Variants in DLK1 observed in about 807,000 individuals in gnomAD.
The protein encoded by DLK1 is protein delta homolog 1.
In DLK1, 9 loss-of-function variants were observed where a neutral mutation model predicts 35.2. The ratio of observed to expected loss-of-function variants is 0.26; its 90% CI spans 0.15 to 0.45. The LOEUF (loss-of-function observed/expected upper bound fraction) is 0.45, where lower values mean the gene tolerates loss of function less well. Among genes scored for constraint, DLK1 ranks in the 20% least tolerant of loss-of-function variants. DLK1 has a pLI of 1.00. For synonymous variants in DLK1, 231 were observed against 228.4 expected (o/e 1.01, Z -0.10); for missense variants, 522 against 528.5 (o/e 0.99, Z 0.12).
intron 3 of DLK1, among the ~76,000 whole-genome samples, chr14:100,731,377 C>T (rs980656873): frequency 3.9e-5 from 6 of 152,154 alleles, no homozygotes; most frequent in South Asian, 2.1e-4. Context: ...GATAGGAGAG[C>T]GCTCAATAGT....
intron 4 of DLK1, among the ~76,000 whole-genome samples, chr14:100,733,556 G>A (rs943913605): frequency 6.6e-6 from 1 of 151,958 alleles, no homozygotes; most frequent in Non-Finnish European, 1.5e-5. Context: ...ACAATAGCCT[G>A]TGGATCCACA....
Position 100,736,985 on chromosome 14 carries a change from C to G in DLK1, c.*2089C>G, listed in dbSNP as rs1366336216. 8.5e-6 allele frequency: 1 copy of G among 118,332 alleles called. No individual in the cohort carries two copies. Among genetic ancestry groups the G allele is most frequent in the African/African-American group, 3.4e-5 (1 of 29,002 alleles). 7.3% of individuals were successfully genotyped at this position (118,332 alleles called of 1,614,324 possible). A position where few individuals can be genotyped will look rare whatever the true frequency, so the allele number is the denominator to read the frequency against. ...TTCCCCTCCGATCCCACCACCCTTC[C>G]CTTCCGATCCCCGTCATCCTTCCCC... On this transcript the variant is annotated 3_prime_UTR_variant, in exon 5 of 5. Coordinates refer to ENST00000341267, the MANE Select transcript of DLK1 (RefSeq NM_003836.7).
In DLK1 at chr14:100,737,979, G is replaced by C. The variant is rs1279430758; in HGVS notation, c.*3083G>C. The C allele has an allele frequency of 6.6e-6, 1 of 152,088 alleles. No homozygotes were observed. The highest frequency in any genetic ancestry group is 1.9e-4 in the East Asian group (1 of 5,182). The allele number at this position is 152,088 out of a possible 1,614,324, so 9.4% of individuals were successfully genotyped here. Reference sequence around the variant, plus strand: ...GAGTGTCGGGATCCTTGACTGCCCAGCCACACCTTGTGTGTGTCTGGTGTA... The same window carrying C: ...GAGTGTCGGGATCCTTGACTGCCCACCCACACCTTGTGTGTGTCTGGTGTA... On this transcript the variant is annotated 3_prime_UTR_variant, in exon 5 of 5. Coordinates refer to ENST00000341267, the MANE Select transcript of DLK1 (RefSeq NM_003836.7).
rs118122626 is a variant in DLK1 at position 100,735,293 on chromosome 14, C to T, written c.*397C>T. On this transcript the variant is annotated 3_prime_UTR_variant, in exon 5 of 5. Coordinates refer to ENST00000341267, the MANE Select transcript of DLK1 (RefSeq NM_003836.7). ...CCGTTACGAGTGCTGTACATGACCA[C>T]CCACTGTGCAAAGAGCTACGATTGC... 9,268 of 170,824 alleles carry T rather than the reference C, an allele frequency of 0.054. 351 individuals carry two copies. Among genetic ancestry groups the T allele is most frequent in the South Asian group, 0.12 (636 of 5,244 alleles). 10.6% of individuals were successfully genotyped at this position (170,824 alleles called of 1,614,324 possible). A position where few individuals can be genotyped will look rare whatever the true frequency, so the allele number is the denominator to read the frequency against.
intron 3 of DLK1, among the ~76,000 whole-genome samples, chr14:100,730,407 C>T (rs2036493921): frequency 6.6e-6 from 1 of 152,222 alleles, no homozygotes; most frequent in Non-Finnish European, 1.5e-5. Context: ...TGTCCCCTCC[C>T]CACCAAGTTG....
rs1004425536 is a variant in DLK1 at position 100,734,114 on chromosome 14, C to T, written c.405-35C>T. On this transcript the variant is annotated intron_variant, in intron 4 of 4. Coordinates refer to ENST00000341267, the MANE Select transcript of DLK1 (RefSeq NM_003836.7). This position sits in a 1 kb window ranked among gnomAD's most constrained non-coding sequence, Gnocchi z 7.4. The stretch of plus-strand genomic sequence containing the variant: ...CTGCAGCGCTGTTGTAGCCTAGCCC[C>T]TGAGGCCGTTTACTATGTCCCTGTT... 1 of 1,563,832 alleles carries T rather than the reference C, an allele frequency of 6.4e-7. No homozygotes were observed. Among genetic ancestry groups the T allele is most frequent in the Non-Finnish European group, 8.7e-7 (1 of 1,155,102 alleles).
In DLK1 at chr14:100,735,003, T is replaced by C. The variant is rs2036556418; in HGVS notation, c.*107T>C. 7.0e-7 allele frequency: 1 copy of C among 1,428,314 alleles called. No individual in the cohort carries two copies. Among genetic ancestry groups the C allele is most frequent in the Non-Finnish European group, 9.3e-7 (1 of 1,072,380 alleles). 88.5% of individuals were successfully genotyped at this position (1,428,314 alleles called of 1,614,324 possible). ...TCGCTATCTCTTGTGTCAAATCTGG[T>C]GAACGCTACGCTTACATATATTGTC... On this transcript the variant is annotated 3_prime_UTR_variant, in exon 5 of 5. Coordinates refer to ENST00000341267, the MANE Select transcript of DLK1 (RefSeq NM_003836.7).
At chr14:100,727,400 G>C (rs915442804) in intron 1 of DLK1, among the ~76,000 whole-genome samples, 4 of 152,214 alleles carry the variant, frequency 2.6e-5, no homozygotes, top group African/African-American at 9.6e-5. Flanking sequence ...GTGTCGGTGC[G>C]CTGAGCAAGG....
intron 4 of DLK1, among the ~76,000 whole-genome samples, chr14:100,733,568 C>G (rs932537679): frequency 5.3e-5 from 8 of 151,848 alleles, no homozygotes; most frequent in African/African-American, 1.9e-4. Flanking sequence ...GGATCCACAC[C>G]GCTAATAATA....
chr14:100,728,987 C>A lies in DLK1; in HGVS notation c.183C>A (p.Pro61=), dbSNP rs751601822. The A allele has an allele frequency of 1.2e-6, 2 of 1,614,004 alleles. No individual in the cohort carries two copies. The highest frequency in any genetic ancestry group is 1.7e-5 in the Admixed American group (1 of 60,006). Reference sequence around the variant, plus strand: ...TTTGTGACCAGTGCGTGACCTCTCCCGGCTGCCTTCACGGACTCTGTGGAG... The same window carrying A: ...TTTGTGACCAGTGCGTGACCTCTCCAGGCTGCCTTCACGGACTCTGTGGAG... The part of the protein sequence containing the change: ...GPLCDQCVTS[P]GCLHGLCGEP... Residue 61 remains proline, a synonymous_variant, in exon 3 of 5, where the codon CCC becomes CCA. Coordinates refer to ENST00000341267, the MANE Select transcript of DLK1 (RefSeq NM_003836.7).
rs151168971 is a variant in DLK1 at position 100,735,826 on chromosome 14, T to C, written c.*930T>C. On this transcript the variant is annotated 3_prime_UTR_variant, in exon 5 of 5. Coordinates refer to ENST00000341267, the MANE Select transcript of DLK1 (RefSeq NM_003836.7). ...AAAAAATAGCCCCTTTGAGTCATAA[T>C]GTGCCATCTGGAGTTGCCACTTAGG... The C allele has an allele frequency of 1.2e-3, 178 of 152,306 alleles. No individual in the cohort carries two copies. Among genetic ancestry groups the C allele is most frequent in the African/African-American group, 3.9e-3 (163 of 41,560 alleles). 9.4% of individuals were successfully genotyped at this position (152,306 alleles called of 1,614,324 possible). A position where few individuals can be genotyped will look rare whatever the true frequency, so the allele number is the denominator to read the frequency against.
Position 100,734,002 on chromosome 14 carries a change from C to A in DLK1, c.405-147C>A. 1 of 1,047,326 alleles carries A rather than the reference C, an allele frequency of 9.5e-7. No individual in the cohort carries two copies. Among genetic ancestry groups the A allele is most frequent in the Non-Finnish European group, 1.3e-6 (1 of 789,348 alleles). 64.9% of individuals were successfully genotyped at this position (1,047,326 alleles called of 1,614,324 possible). ...TCTCTGTGCCTCCCTGGCTGGCGTT[C>A]CCTCCCTCGCTCCCTCATTCACCTG... On this transcript the variant is annotated intron_variant, in intron 4 of 4. Transcript: ENST00000341267. This position sits in a 1 kb window ranked among gnomAD's most constrained non-coding sequence, Gnocchi z 7.4.
At chr14:100,730,717 G>A (rs79384253) in intron 3 of DLK1, among the ~76,000 whole-genome samples, 3,184 of 152,314 alleles carry the variant, frequency 0.021, 114 homozygotes, top group African/African-American at 0.071. Flanking sequence ...CGGGTGCAGA[G>A]AATAAGGAGC....
chr14:100,732,103 T>C lies in DLK1; in HGVS notation c.324T>C (p.Asp108=). The change falls in exon 4 of 5, where the codon GAT becomes GAC. Residue 108 remains aspartate, a synonymous_variant. Coordinates refer to ENST00000341267, the MANE Select transcript of DLK1 (RefSeq NM_003836.7). The part of the protein sequence containing the change: ...ANNRTCVSLD[D]GLYECSCAPG... ...ACAGGACCTGCGTGAGCCTGGACGA[T>C]GGCCTCTATGAATGCTCCTGTGCCC... 2 of 1,613,984 alleles carry C rather than the reference T, an allele frequency of 1.2e-6. No homozygotes were observed. The highest frequency in any genetic ancestry group is 1.7e-6 in the Non-Finnish European group (2 of 1,179,858).
rs754558484 is a variant in DLK1 at position 100,727,023 on chromosome 14, C to G, written c.-46C>G. 6.6e-7 allele frequency: 1 copy of G among 1,518,704 alleles called. No homozygotes were observed. The highest frequency in any genetic ancestry group is 8.8e-7 in the Non-Finnish European group (1 of 1,135,968). 94.1% of individuals were successfully genotyped at this position (1,518,704 alleles called of 1,614,324 possible). A position where few individuals can be genotyped will look rare whatever the true frequency, so the allele number is the denominator to read the frequency against. On this transcript the variant is annotated 5_prime_UTR_variant, in exon 1 of 5. Coordinates refer to ENST00000341267, the MANE Select transcript of DLK1 (RefSeq NM_003836.7). Reference sequence around the variant, plus strand: ...GCCCAGTGCGGCGCCAGGAGCCGGACCCGCGCCCGCACCGCTCCCGGGACC... The same window carrying G: ...GCCCAGTGCGGCGCCAGGAGCCGGAGCCGCGCCCGCACCGCTCCCGGGACC...
chr14:100,730,418 A>T (rs574538871), intron 3 of DLK1, among the ~76,000 whole-genome samples: 7 of 152,284 alleles, frequency 4.6e-5, no homozygotes, highest in African/African-American at 1.7e-4. Context: ...CACCAAGTTG[A>T]CAAAGGCAGC....
rs1262129004 is a variant in DLK1, at chr14:100,736,669, ACCGCCTCCT to A, written c.*1778_*1786del. The A allele has an allele frequency of 7.8e-6, 1 of 128,172 alleles. No homozygotes were observed. Among genetic ancestry groups the A allele is most frequent in the Non-Finnish European group, 1.7e-5 (1 of 60,486 alleles). The allele number at this position is 128,172 out of a possible 1,614,324, so 7.9% of individuals were successfully genotyped here. On this transcript the variant is annotated 3_prime_UTR_variant, in exon 5 of 5. Transcript: ENST00000341267. ...TGATTCCAAGCCCCGCCCCACCCTC[ACCGCCTCCT>A]CCGCATCATCTGCACTCTGCAGAGC...
chr14:100,731,837 A>G (rs2036510472), intron 3 of DLK1, among the ~76,000 whole-genome samples: 1 of 152,064 alleles, frequency 6.6e-6, no homozygotes, highest in Admixed American at 6.5e-5. Context: ...CGACTTTCTG[A>G]TCTGTGACCT....
intron 3 of DLK1, among the ~76,000 whole-genome samples, chr14:100,730,825 A>C (rs1000244004): frequency 6.6e-6 from 1 of 152,156 alleles, no homozygotes; most frequent in Non-Finnish European, 1.5e-5. Context: ...CTTCCATGGA[A>C]CACCACGGGG....
Sources: allele counts gnomAD v4.1 joint callset (sites outside exome capture counted in the v4.1 genomes callset), GRCh38; gene constraint gnomAD v4.1.1; non-coding constraint Gnocchi (gnomAD v3.1); transcripts MANE v1.5; gene names NCBI Gene and HGNC (gene_info 2026-07-23, HGNC 2026-07-21).